AMBRA1: variants seen among roughly 807,000 people sequenced by gnomAD.
AMBRA1 encodes the protein activating molecule in BECN1-regulated autophagy protein 1.
Under a neutral mutation model 125.4 loss-of-function variants are expected in AMBRA1, and 47 were observed. The observed-to-expected ratio is 0.37, with a 90% CI of 0.30 to 0.48. The LOEUF (loss-of-function observed/expected upper bound fraction) is 0.48, where lower values mean the gene tolerates loss of function less well. Among genes scored for constraint, AMBRA1 ranks in the 20% least tolerant of loss-of-function variants. The probability of loss-of-function intolerance (pLI) is 0.99; values close to 1 mark genes in which losing one functional copy is unlikely to be tolerated. For synonymous variants in AMBRA1, 626 were observed against 655.5 expected, an observed-to-expected ratio of 0.95 and a Z score of 0.69; for missense variants, 1,331 against 1,693.4, an observed-to-expected ratio of 0.79 and a Z score of 3.76.
At chr11:46,528,787 G>A (rs1245158496) in intron 7 of AMBRA1, among the ~76,000 whole-genome samples, 4 of 152,126 alleles carry the variant, frequency 2.6e-5, no homozygotes, top group Admixed American at 1.3e-4. Context: ...ACACGTACAC[G>A]AAGATAAAAA....
rs921692452 is a variant in AMBRA1 at position 46,584,294 on chromosome 11, G to A, written c.-121+9534C>T. Among the ~76,000 whole-genome samples the A allele has an allele frequency of 9.5e-5, 14 of 147,110 alleles. No homozygotes were observed. In the East Asian group the frequency reaches 1.4e-3, roughly 15 times the overall value. On this transcript the variant is annotated intron_variant, in intron 1 of 17. Transcript: ENST00000683756. The stretch of plus-strand genomic sequence containing the variant: ...AAGGACAAAAAACCAAACACCGCAT[G>A]TTCTCACTCATAGGTGGGAATTGAG...
rs114701128 is a variant in AMBRA1, at chr11:46,430,157, C to T, written c.2976+3317G>A. 1.7e-3 allele frequency among the ~76,000 whole-genome samples: 265 copies of T among 152,292 alleles called. 1 individual carries two copies. Among genetic ancestry groups the T allele is most frequent in the African/African-American group, 6.1e-3 (255 of 41,554 alleles). ...TCAACATAAAGAAAAGACTCCAGCA[C>T]ATACAGCTATTCAAGGGAGAAACCT... On this transcript the variant is annotated intron_variant, in intron 14 of 17. Transcript: ENST00000683756.
chr11:46,505,443 C>A (rs539259490), intron 9 of AMBRA1, among the ~76,000 whole-genome samples: 1 of 152,060 alleles, frequency 6.6e-6, no homozygotes, highest in Non-Finnish European at 1.5e-5. Flanking sequence ...ACCTGGACTA[C>A]TAATGTTGAG....
chr11:46,400,989 A>G (rs1359483298), intron 17 of AMBRA1, among the ~76,000 whole-genome samples: 1 of 152,158 alleles, frequency 6.6e-6, no homozygotes, highest in Non-Finnish European at 1.5e-5. Context: ...CAGGTTTTAA[A>G]GCCTTCTAAC....
chr11:46,549,077 G>A (rs1018722247), intron 1 of AMBRA1: 1 of 151,618 alleles, frequency 6.6e-6, no homozygotes, highest in Non-Finnish European at 1.5e-5. Flanking sequence ...AGAGGACAGA[G>A]AAGGAAAGGG....
intron 1 of AMBRA1, among the ~76,000 whole-genome samples, chr11:46,564,482 G>A (rs1826543190): frequency 6.6e-6 from 1 of 151,980 alleles, no homozygotes; most frequent in Admixed American, 6.6e-5. Context: ...CTAAGTGAAG[G>A]AGAGATTCAA....
intron 9 of AMBRA1, among the ~76,000 whole-genome samples, chr11:46,507,660 G>A (rs1218144656): frequency 6.6e-6 from 1 of 152,106 alleles, no homozygotes; most frequent in Non-Finnish European, 1.5e-5. Context: ...TTCCTGAATG[G>A]GGGGTAAGAG....
chr11:46,514,876 GA>G (rs1399386001), intron 7 of AMBRA1, among the ~76,000 whole-genome samples: 1 of 152,180 alleles, frequency 6.6e-6, no homozygotes, highest in Non-Finnish European at 1.5e-5. Context: ...AGGGTAGTGA[GA>G]GATACAGAGT....
rs1034850162 is a variant in AMBRA1 at position 46,400,480 on chromosome 11, T to G, written c.3404-2537A>C. Among the ~76,000 whole-genome samples the G allele has an allele frequency of 4.4e-4, 28 of 64,322 alleles. No individual in the cohort carries two copies. The East Asian group carries it at 7.0e-3, about 16-fold the overall frequency. 42.2% of individuals were successfully genotyped at this position (64,322 alleles called of 152,430 possible). A position where few individuals can be genotyped will look rare whatever the true frequency, so the allele number is the denominator to read the frequency against. ...CTTCTAGTTCTTTCTATAGTTTTTT[T>G]TTTTTTTTTTTTTTTTTTTTTTTTT... On this transcript the variant is annotated intron_variant, in intron 17 of 17. Coordinates refer to ENST00000683756, the MANE Select transcript of AMBRA1 (RefSeq NM_001387011.1).
chr11:46,429,024 G>A (rs1285932467), intron 14 of AMBRA1: 1 of 1,611,794 alleles, frequency 6.2e-7, no homozygotes, highest in Non-Finnish European at 8.5e-7. Context: ...ATGACATGAA[G>A]GTTGGGCACA....
chr11:46,529,333 T>C (rs1476826913), intron 7 of AMBRA1, among the ~76,000 whole-genome samples: 1 of 152,202 alleles, frequency 6.6e-6, no homozygotes, highest in Non-Finnish European at 1.5e-5. Flanking sequence ...GAGGAGTTTG[T>C]TAATTGTTGC....
intron 11 of AMBRA1, among the ~76,000 whole-genome samples, chr11:46,475,137 C>A (rs1949767743): frequency 6.6e-6 from 1 of 152,212 alleles, no homozygotes; most frequent in Non-Finnish European, 1.5e-5. Context: ...AGTAGAATAG[C>A]AACCCAACTA....
intron 1 of AMBRA1, among the ~76,000 whole-genome samples, chr11:46,592,254 C>T (rs1360816589): frequency 6.6e-6 from 1 of 151,082 alleles, no homozygotes; most frequent in Non-Finnish European, 1.5e-5. Flanking sequence ...TTTTTTTTTC[C>T]AAGAATGAAG....
chr11:46,534,450 G>A (rs564102832), intron 7 of AMBRA1, among the ~76,000 whole-genome samples: 3 of 152,164 alleles, frequency 2.0e-5, no homozygotes, highest in East Asian at 3.9e-4. Flanking sequence ...AGCCCAGATC[G>A]CACCATTGCA....
At chr11:46,488,373 T>C (rs1950334812) in intron 11 of AMBRA1, among the ~76,000 whole-genome samples, 1 of 151,984 alleles carries the variant, frequency 6.6e-6, no homozygotes. Context: ...GGAGAATCGC[T>C]TGAACCCAAG....
At chr11:46,475,172 TG>T (rs1392627236) in intron 11 of AMBRA1, among the ~76,000 whole-genome samples, 20 of 152,352 alleles carry the variant, frequency 1.3e-4, no homozygotes, top group African/African-American at 4.8e-4. Context: ...TCAGCCTATC[TG>T]GCAGGCAGCC....
intron 17 of AMBRA1, among the ~76,000 whole-genome samples, chr11:46,398,798 G>C (rs1371614391): frequency 2.0e-5 from 3 of 150,644 alleles, no homozygotes; most frequent in African/African-American, 4.9e-5. Context: ...TTTTGAGACA[G>C]AGTCTTGCTC....
Position 46,402,859 on chromosome 11 carries a change from G to C in AMBRA1, c.3404-4916C>G, listed in dbSNP as rs1945832568. ...AATGGCTCCCCCAGGGCTCGGTGTG[G>C]ACAGCTTCAGCCTACAGAACTATGA... is the stretch of plus-strand genomic sequence containing the variant. On this transcript the variant is annotated intron_variant, in intron 17 of 17. Coordinates refer to ENST00000683756, the MANE Select transcript of AMBRA1 (RefSeq NM_001387011.1). 1.3e-5 allele frequency among the ~76,000 whole-genome samples: 2 copies of C among 152,170 alleles called. 1 individual carries two copies. The highest frequency in any genetic ancestry group is 4.1e-4 in the South Asian group (2 of 4,828).
intron 1 of AMBRA1, among the ~76,000 whole-genome samples, chr11:46,592,428 T>C (rs994687901): frequency 6.6e-6 from 1 of 152,140 alleles, no homozygotes; most frequent in Non-Finnish European, 1.5e-5. Flanking sequence ...ACAGCCTTTT[T>C]TAGCTTTTGT....
Sources: gnomAD v4.1 joint callset for allele counts (sites outside exome capture counted in the v4.1 genomes callset) on GRCh38, gnomAD v4.1.1 for gene constraint, MANE v1.5 for transcripts, NCBI Gene and HGNC (gene_info 2026-07-23, HGNC 2026-07-21) for gene names.